The following KCNMA1 variants were observed in gnomAD, a reference collection of about 807,000 sequenced individuals.
KCNMA1 encodes Calcium-activated potassium channel subunit alpha-1.
In KCNMA1, 29 loss-of-function variants were observed where a neutral mutation model predicts 140.0. The observed-to-expected ratio is 0.21, with a 90% CI of 0.15 to 0.28. The LOEUF (loss-of-function observed/expected upper bound fraction) is 0.28. Ranked by LOEUF, KCNMA1 falls within the 10% of genes least tolerant of loss-of-function variation. The probability of loss-of-function intolerance (pLI) is 1.00; values close to 1 mark genes in which losing one functional copy is unlikely to be tolerated. For missense variants in KCNMA1, 880 were observed against 1,602.2 expected, an observed-to-expected ratio of 0.55 and a Z score of 7.70; for synonymous variants, 612 against 611.9, an observed-to-expected ratio of 1.00 and a Z score of 0.00.
chr10:77,359,250 G>A (rs2093744874), intron 2 of KCNMA1, among the ~76,000 whole-genome samples: 1 of 152,184 alleles, frequency 6.6e-6, no homozygotes, highest in Admixed American at 6.5e-5. Context: ...AGCATGTGTT[G>A]GCGGGGAGGG....
At chr10:77,037,612 C>T (rs1409217192) in intron 15 of KCNMA1, among the ~76,000 whole-genome samples, 1 of 152,060 alleles carries the variant, frequency 6.6e-6, no homozygotes, top group Non-Finnish European at 1.5e-5. Context: ...AGGGAGCACT[C>T]TTGTTAGATA....
chr10:77,365,621 T>A (rs1412668706), intron 2 of KCNMA1, among the ~76,000 whole-genome samples: 1 of 152,222 alleles, frequency 6.6e-6, no homozygotes, highest in South Asian at 2.1e-4. Flanking sequence ...CTACACTTTA[T>A]GGCCACGTTT....
intron 1 of KCNMA1, among the ~76,000 whole-genome samples, chr10:77,562,375 C>T (rs1261781310): frequency 1.3e-5 from 2 of 152,208 alleles, no homozygotes; most frequent in Non-Finnish European, 2.9e-5. Flanking sequence ...ACATCCAAAG[C>T]GGTCTGTTGC....
At chr10:77,183,131 T>C (rs12769218) in intron 5 of KCNMA1, among the ~76,000 whole-genome samples, 3,570 of 152,220 alleles carry the variant, frequency 0.023, 53 homozygotes, top group Admixed American at 0.037. Context: ...AGTTCCTGAA[T>C]GAAAAGTGAC....
rs371879988 is a variant in KCNMA1 at position 76,986,156 on chromosome 10, C to T, written c.2266+15251G>A. Among the ~76,000 whole-genome samples, 32 of 152,110 alleles carry T rather than the reference C, an allele frequency of 2.1e-4. No individual in the cohort carries two copies. The South Asian group carries it at 6.0e-3, about 29-fold the overall frequency. On this transcript the variant is annotated intron_variant, in intron 19 of 27. Transcript: ENST00000286628. ...TATGAAAAGGAGGCGAGTGTGTAGCCCATTCAGCTGATGGGAAGCCCATTC... is the reference window on the plus strand; with the variant it reads ...TATGAAAAGGAGGCGAGTGTGTAGCTCATTCAGCTGATGGGAAGCCCATTC...
intron 18 of KCNMA1, among the ~76,000 whole-genome samples, chr10:77,004,762 A>G (rs558426794): frequency 6.6e-6 from 1 of 152,234 alleles, no homozygotes; most frequent in Non-Finnish European, 1.5e-5. Context: ...TGGCTTCCTA[A>G]CCCTTCAATT....
At chr10:77,248,621 C>T (rs77275995) in intron 3 of KCNMA1, among the ~76,000 whole-genome samples, 4,354 of 152,236 alleles carry the variant, frequency 0.029, 215 homozygotes, top group East Asian at 0.22. Flanking sequence ...ATGTGTAAAA[C>T]TGGTAACAGT....
intron 21 of KCNMA1, among the ~76,000 whole-genome samples, chr10:76,950,799 G>C (rs1008845640): frequency 6.6e-6 from 1 of 152,220 alleles, no homozygotes; most frequent in African/African-American, 2.4e-5. Context: ...TAAAGCAGGG[G>C]CTGTCACCAT....
At chr10:77,096,613 A>G (rs1408931798) in intron 9 of KCNMA1, among the ~76,000 whole-genome samples, 1 of 152,208 alleles carries the variant, frequency 6.6e-6, no homozygotes, top group Non-Finnish European at 1.5e-5. Flanking sequence ...ATTTTTAAAG[A>G]TACTATATCC....
intron 9 of KCNMA1, among the ~76,000 whole-genome samples, chr10:77,104,074 G>C (rs1276509440): frequency 1.3e-5 from 2 of 152,208 alleles, no homozygotes; most frequent in Non-Finnish European, 2.9e-5. Flanking sequence ...CGTGATGTCA[G>C]GCAAGTTACT....
chr10:76,949,709 T>C (rs560137526), intron 21 of KCNMA1, among the ~76,000 whole-genome samples: 1 of 152,204 alleles, frequency 6.6e-6, no homozygotes, highest in Admixed American at 6.5e-5. Context: ...GGAATATTTA[T>C]GCTATTTGGA....
chr10:77,434,973 G>A (rs372571445), intron 1 of KCNMA1, among the ~76,000 whole-genome samples: 5 of 152,024 alleles, frequency 3.3e-5, no homozygotes, highest in Admixed American at 2.0e-4. Flanking sequence ...TCTTTTTTGG[G>A]GAGAGAGTCT....
At chr10:77,438,906 A>G (rs1201014685) in intron 1 of KCNMA1, among the ~76,000 whole-genome samples, 2 of 151,964 alleles carry the variant, frequency 1.3e-5, no homozygotes, top group Non-Finnish European at 2.9e-5. Context: ...GTGAAACCCC[A>G]TCTCCACTAA....
chr10:77,567,186 G>A (rs187362031), intron 1 of KCNMA1, among the ~76,000 whole-genome samples: 1 of 152,312 alleles, frequency 6.6e-6, no homozygotes, highest in East Asian at 1.9e-4. Flanking sequence ...CAAGCTCAAC[G>A]CAATGTTCAG....
chr10:77,270,869 A>T (rs35234113), intron 2 of KCNMA1, among the ~76,000 whole-genome samples: 5,957 of 152,222 alleles, frequency 0.039, 161 homozygotes, highest in Non-Finnish European at 0.06. Context: ...TTCAAGCCAC[A>T]TTTGTAATTT....
chr10:77,334,500 TC>T (rs2087986136), intron 2 of KCNMA1, among the ~76,000 whole-genome samples: 1 of 152,208 alleles, frequency 6.6e-6, no homozygotes. Flanking sequence ...TACATCATCT[TC>T]TTCATTACCA....
chr10:77,089,299 C>T (rs966740933), intron 10 of KCNMA1, among the ~76,000 whole-genome samples: 8 of 152,130 alleles, frequency 5.3e-5, no homozygotes, highest in African/African-American at 1.4e-4. Flanking sequence ...AGAGTAGGAC[C>T]GCGTGCTGGG....
intron 2 of KCNMA1, among the ~76,000 whole-genome samples, chr10:77,368,843 A>G (rs1172733546): frequency 2.0e-5 from 3 of 152,182 alleles, no homozygotes; most frequent in Admixed American, 6.5e-5. Context: ...GCAATTGACC[A>G]TATTTGTTGT....
At position 77,186,144 on chromosome 10, in the gene KCNMA1, G is replaced by A. The variant is rs373344095; in HGVS notation, c.603-1228C>T. 3.4e-4 allele frequency among the ~76,000 whole-genome samples: 52 copies of A among 152,224 alleles called. No homozygotes were observed. The South Asian group carries it at 0.01, about 30-fold the overall frequency. Reference sequence around the variant, plus strand: ...AGGAATCTGTGCAGTAGAGGAACTCGGGGCCCACTTAGAGGCAGGGTAAGT... The same window carrying A: ...AGGAATCTGTGCAGTAGAGGAACTCAGGGCCCACTTAGAGGCAGGGTAAGT... On this transcript the variant is annotated intron_variant, in intron 3 of 27. Coordinates refer to ENST00000286628, the MANE Select transcript of KCNMA1 (RefSeq NM_001161352.2).
Sources: gnomAD v4.1 joint callset for allele counts (sites outside exome capture counted in the v4.1 genomes callset) on GRCh38, gnomAD v4.1.1 for gene constraint, MANE v1.5 for transcripts, NCBI Gene and HGNC (gene_info 2026-07-23, HGNC 2026-07-21) for gene names.